Variants in ADK observed in about 807,000 individuals in gnomAD.
ADK encodes adenosine kinase, also known as N6,N6-dimethyladenosine kinase.
ADK carries 24 observed loss-of-function variants against 44.7 expected under a neutral mutation model. The ratio of observed to expected loss-of-function variants is 0.54; its 90% CI spans 0.39 to 0.76. ADK has a LOEUF of 0.76. Among genes scored for constraint, ADK ranks in the 30% least tolerant of loss-of-function variants. ADK has a pLI of 0.00. For synonymous variants in ADK, 128 were observed against 142.6 expected, an observed-to-expected ratio of 0.90 and a Z score of 0.73; for missense variants, 321 against 425.1, an observed-to-expected ratio of 0.76 and a Z score of 2.15.
intron 1 of ADK, chr10:74,176,341 C>G (rs145667729): frequency 1.6e-5 from 9 of 566,170 alleles, no homozygotes; most frequent in African/African-American, 1.4e-4. Flanking sequence ...TTTTTCCCCC[C>G]ACCTTTGCAG....
intron 6 of ADK, among the ~76,000 whole-genome samples, chr10:74,421,977 C>T (rs1844570875): frequency 6.6e-6 from 1 of 152,098 alleles, no homozygotes; most frequent in Non-Finnish European, 1.5e-5. Context: ...TTCCAAATAA[C>T]ATATTGCCCC....
At chr10:74,457,356 A>G (rs994450244) in intron 6 of ADK, among the ~76,000 whole-genome samples, 3 of 152,232 alleles carry the variant, frequency 2.0e-5, no homozygotes, top group African/African-American at 7.2e-5. Flanking sequence ...CCAACCAAAA[A>G]AAGCCCAGGA....
chr10:74,358,002 T>C (rs1189027839), intron 4 of ADK, among the ~76,000 whole-genome samples: 3 of 152,208 alleles, frequency 2.0e-5, no homozygotes, highest in African/African-American at 7.2e-5. Flanking sequence ...CATTTAATAA[T>C]GCCCACAGGA....
intron 3 of ADK, among the ~76,000 whole-genome samples, chr10:74,249,340 T>C (rs1845556672): frequency 6.6e-6 from 1 of 152,214 alleles, no homozygotes; most frequent in African/African-American, 2.4e-5. Flanking sequence ...AAATGGATCA[T>C]TGCAAAATAT....
chr10:74,203,847 AAAG>A (rs1843490923), intron 2 of ADK, among the ~76,000 whole-genome samples: 1 of 151,808 alleles, frequency 6.6e-6, no homozygotes, highest in Non-Finnish European at 1.5e-5. Flanking sequence ...TTTCTGTAAA[AAAG>A]GCAGTTGGAA....
At chr10:74,689,141 C>T (rs914136223) in intron 10 of ADK, among the ~76,000 whole-genome samples, 4 of 151,656 alleles carry the variant, frequency 2.6e-5, no homozygotes, top group Non-Finnish European at 4.4e-5. Flanking sequence ...CCCAGCTACT[C>T]GGGAGGCTGA....
chr10:74,281,239 A>G (rs1414153163), intron 3 of ADK, among the ~76,000 whole-genome samples: 1 of 152,254 alleles, frequency 6.6e-6, no homozygotes, highest in Non-Finnish European at 1.5e-5. Flanking sequence ...TGATCACTTA[A>G]CAGATACCCA....
At chr10:74,477,182 G>GTAA (rs1652938161) in intron 6 of ADK, among the ~76,000 whole-genome samples, 1 of 152,026 alleles carries the variant, frequency 6.6e-6, no homozygotes, top group Non-Finnish European at 1.5e-5. Flanking sequence ...GTAACTTCAT[G>GTAA]TAACATGATT....
chr10:74,542,308 A>T lies in ADK; in HGVS notation c.726+16882A>T, dbSNP rs546484525. Among the ~76,000 whole-genome samples the T allele has an allele frequency of 6.6e-5, 10 of 152,338 alleles. No individual in the cohort carries two copies. In the East Asian group the frequency reaches 1.9e-3, roughly 29 times the overall value. Reference sequence around the variant, plus strand: ...GCCATGCCTGGATTCCTTTTCCTGGAAACTATGGAGATAATAAGTGTTTGT... The same window carrying T: ...GCCATGCCTGGATTCCTTTTCCTGGTAACTATGGAGATAATAAGTGTTTGT... On this transcript the variant is annotated intron_variant, in intron 7 of 10. Transcript: ENST00000539909.
At chr10:74,391,646 A>G (rs1444418895) in intron 4 of ADK, among the ~76,000 whole-genome samples, 1 of 97,868 alleles carries the variant, frequency 1.0e-5, no homozygotes, top group Non-Finnish European at 2.1e-5. Context: ...GTTCGAGGCA[A>G]GAATATACAC....
chr10:74,353,117 G>A lies in ADK; in HGVS notation c.273+38372G>A, dbSNP rs879023421. ...CTCCTATAAAGACACATGCACACAT[G>A]TGTTTATTGTAGCGCTATTTACAAT... On this transcript the variant is annotated intron_variant, in intron 4 of 10. Transcript: ENST00000539909. Among the ~76,000 whole-genome samples the A allele has an allele frequency of 5.3e-5, 8 of 152,118 alleles. No individual in the cohort carries two copies. In the South Asian group the frequency reaches 1.4e-3, roughly 28 times the overall value.
At chr10:74,424,976 A>G (rs1226502850) in intron 6 of ADK, among the ~76,000 whole-genome samples, 1 of 152,172 alleles carries the variant, frequency 6.6e-6, no homozygotes, top group Non-Finnish European at 1.5e-5. Flanking sequence ...TAATATTTAA[A>G]GCTTATGCAG....
rs75742796 is a variant in ADK, at chr10:74,176,253, G to A, written c.66-24511G>A. ...CAGCAATTGACTCTCAAAGGCTGCG[G>A]ACTGGAATTAGTACGTCGTGCTGCC... On this transcript the variant is annotated intron_variant, in intron 1 of 10. Transcript: ENST00000539909. 3.2e-3 allele frequency among the ~76,000 whole-genome samples: 487 copies of A among 152,316 alleles called. 3 individuals are homozygous for A. The highest frequency in any genetic ancestry group is 0.011 in the African/African-American group (454 of 41,572).
intron 4 of ADK, among the ~76,000 whole-genome samples, chr10:74,387,409 A>C (rs1041965260): frequency 6.6e-6 from 1 of 152,240 alleles, no homozygotes; most frequent in Non-Finnish European, 1.5e-5. Flanking sequence ...TAACAGGTAG[A>C]AAATCATTAG....
chr10:74,235,144 T>TTTTTTTTTTTC (rs1844911609), intron 3 of ADK, among the ~76,000 whole-genome samples: 1 of 150,514 alleles, frequency 6.6e-6, no homozygotes, highest in Non-Finnish European at 1.5e-5. Context: ...TTTTTTTTTT[T>TTTTTTTTTTTC]CTGAAACTTT....
intron 9 of ADK, among the ~76,000 whole-genome samples, chr10:74,668,218 A>G (rs942094904): frequency 6.6e-6 from 1 of 152,152 alleles, no homozygotes; most frequent in Non-Finnish European, 1.5e-5. Flanking sequence ...AGATTTCTTT[A>G]TAAGTATTTA....
chr10:74,278,923 C>A (rs1003061372), intron 3 of ADK, among the ~76,000 whole-genome samples: 1 of 152,160 alleles, frequency 6.6e-6, no homozygotes, highest in Non-Finnish European at 1.5e-5. Flanking sequence ...ATCTTATAAT[C>A]TTTATTTTTT....
intron 6 of ADK, among the ~76,000 whole-genome samples, chr10:74,509,008 G>A (rs1162937305): frequency 2.0e-5 from 3 of 152,124 alleles, no homozygotes; most frequent in Non-Finnish European, 4.4e-5. Flanking sequence ...AGACCAGAAT[G>A]CAGTAGTTAT....
At chr10:74,591,027 A>T (rs1428362286) in intron 8 of ADK, among the ~76,000 whole-genome samples, 2 of 152,140 alleles carry the variant, frequency 1.3e-5, no homozygotes, top group Admixed American at 1.3e-4. Context: ...ATACTTAGAA[A>T]TATAATTTGT....
Sources: gnomAD v4.1 joint callset for allele counts (sites outside exome capture counted in the v4.1 genomes callset) on GRCh38, gnomAD v4.1.1 for gene constraint, MANE v1.5 for transcripts, NCBI Gene and HGNC (gene_info 2026-07-23, HGNC 2026-07-21) for gene names.